The following PKNOX2 variants were observed in gnomAD, a reference collection of about 807,000 sequenced individuals.
PKNOX2 encodes PBX/knotted 1 homeobox 2, also known as homeobox protein PKNOX2.
PKNOX2 carries 14 observed loss-of-function variants against 53.1 expected under a neutral mutation model. The observed-to-expected ratio is 0.26, with a 90% CI of 0.17 to 0.41. The LOEUF (loss-of-function observed/expected upper bound fraction) is 0.41. Among genes scored for constraint, PKNOX2 ranks in the 10% least tolerant of loss-of-function variants. The pLI, the probability that PKNOX2 is intolerant of heterozygous loss-of-function variation, is 1.00. For synonymous variants in PKNOX2, 257 were observed against 242.8 expected (o/e 1.06, Z -0.54); for missense variants, 496 against 602.8 (o/e 0.82, Z 1.85).
At chr11:125,176,738 TC>T (rs1955735360) in intron 1 of PKNOX2, among the ~76,000 whole-genome samples, 1 of 152,094 alleles carries the variant, frequency 6.6e-6, no homozygotes, top group African/African-American at 2.4e-5. Context: ...CCCAGCATCT[TC>T]TTTTCCATCC....
intron 10 of PKNOX2, among the ~76,000 whole-genome samples, chr11:125,416,302 C>CAAA (rs61354494): frequency 1.5e-3 from 107 of 70,332 alleles, no homozygotes; most frequent in African/African-American, 1.9e-3. Flanking sequence ...GACGCCGTCT[C>CAAA]AAAAAAAAAA....
intron 1 of PKNOX2, among the ~76,000 whole-genome samples, chr11:125,174,401 G>C (rs1305178017): frequency 1.3e-5 from 2 of 152,126 alleles, no homozygotes; most frequent in Non-Finnish European, 2.9e-5. Flanking sequence ...TTGAGAACAA[G>C]CTATATGACC....
chr11:125,387,108 T>C (rs1013545337), intron 6 of PKNOX2, among the ~76,000 whole-genome samples: 4 of 152,194 alleles, frequency 2.6e-5, no homozygotes, highest in African/African-American at 9.6e-5. Context: ...AAAGCTGCCC[T>C]GTGCAGGTGC....
rs116439054 is a variant in PKNOX2, at chr11:125,282,177, C to A, written c.-130+47062C>A. 3.3e-3 allele frequency among the ~76,000 whole-genome samples: 508 copies of A among 152,298 alleles called. 2 individuals carry two copies. The highest frequency in any genetic ancestry group is 0.011 in the African/African-American group (471 of 41,542). ...AGAAAAGCTGTCTGTCAGCTCCAAG[C>A]CAGGGAATGTTAGTGCATAAGCTTT... On this transcript the variant is annotated intron_variant, in intron 2 of 12. Transcript: ENST00000298282.
chr11:125,399,082 C>A (rs1188209974), intron 7 of PKNOX2, among the ~76,000 whole-genome samples: 2 of 152,234 alleles, frequency 1.3e-5, no homozygotes, highest in East Asian at 3.9e-4. Context: ...AGAAGGCCAG[C>A]CTTGCTTTGC....
At chr11:125,285,887 G>A (rs1378322694) in intron 2 of PKNOX2, among the ~76,000 whole-genome samples, 2 of 152,204 alleles carry the variant, frequency 1.3e-5, no homozygotes, top group South Asian at 2.1e-4. Context: ...CACCTCTGTA[G>A]GGTGGAAATC....
chr11:125,212,055 AAG>A (rs1191384673), intron 1 of PKNOX2, among the ~76,000 whole-genome samples: 1 of 152,150 alleles, frequency 6.6e-6, no homozygotes, highest in East Asian at 1.9e-4. Context: ...TTCTACCTGT[AAG>A]AGCTCCAGCC....
chr11:125,218,693 G>T (rs141847254), intron 1 of PKNOX2, among the ~76,000 whole-genome samples: 14 of 152,278 alleles, frequency 9.2e-5, no homozygotes, highest in African/African-American at 3.4e-4. Context: ...CTGAGCAGCA[G>T]TGCGCATGGA....
chr11:125,190,915 GT>G (rs1956840880), intron 1 of PKNOX2: 1 of 151,982 alleles, frequency 6.6e-6, no homozygotes, highest in South Asian at 2.1e-4. Context: ...TTCATATATT[GT>G]TTCTTGAACT....
At chr11:125,315,057 G>A (rs1291524856) in intron 2 of PKNOX2, among the ~76,000 whole-genome samples, 6 of 151,920 alleles carry the variant, frequency 3.9e-5, no homozygotes, top group South Asian at 2.1e-4. Flanking sequence ...GGCCCTCTCC[G>A]GCCCTTGGTT....
At chr11:125,282,135 C>T (rs1946599853) in intron 2 of PKNOX2, among the ~76,000 whole-genome samples, 1 of 152,212 alleles carries the variant, frequency 6.6e-6, no homozygotes, top group Non-Finnish European at 1.5e-5. Context: ...CAAGTACCTT[C>T]AGAAGACACT....
intron 2 of PKNOX2, among the ~76,000 whole-genome samples, chr11:125,323,583 G>A (rs1227344570): frequency 6.6e-6 from 1 of 152,218 alleles, no homozygotes; most frequent in Non-Finnish European, 1.5e-5. Context: ...GCCCTGAGAA[G>A]GGCAGGGAGG....
intron 5 of PKNOX2, among the ~76,000 whole-genome samples, chr11:125,380,079 C>G (rs946626901): frequency 2.6e-5 from 4 of 152,162 alleles, no homozygotes; most frequent in Non-Finnish European, 4.4e-5. Context: ...TCTTCTTCCC[C>G]TCTCCCTGAG....
intron 3 of PKNOX2, among the ~76,000 whole-genome samples, chr11:125,334,660 A>G (rs1950337970): frequency 6.7e-6 from 1 of 149,430 alleles, no homozygotes; most frequent in South Asian, 2.1e-4. Flanking sequence ...GTGCAGTGGC[A>G]CAGTCTCAGC....
In PKNOX2 at chr11:125,296,818, T is replaced by A. The variant is rs1248872338; in HGVS notation, c.-129-35001T>A. On this transcript the variant is annotated intron_variant, in intron 2 of 12. Transcript: ENST00000298282. The stretch of plus-strand genomic sequence containing the variant: ...GCCCAGATAATTTTTGTATTTTTAG[T>A]AGAGACGGGGTTTCACCATGTTAGC... Among the ~76,000 whole-genome samples, 4 of 152,156 alleles carry A rather than the reference T, an allele frequency of 2.6e-5. No individual in the cohort carries two copies. The East Asian group carries it at 7.7e-4, about 29-fold the overall frequency.
Position 125,333,491 on chromosome 11 carries a change from G to A in PKNOX2, c.-23+1566G>A, listed in dbSNP as rs150874262. Among the ~76,000 whole-genome samples, 9 of 151,676 alleles carry A rather than the reference G, an allele frequency of 5.9e-5. No homozygotes were observed. The East Asian group carries it at 1.4e-3, about 23-fold the overall frequency. On this transcript the variant is annotated intron_variant, in intron 3 of 12. Transcript: ENST00000298282. ...GAAGGCTTCCACAGATGGGGTAGAG[G>A]CAACCTCAAATATCACCCCTGACCT...
At chr11:125,363,136 G>A (rs1952011104) in intron 4 of PKNOX2, among the ~76,000 whole-genome samples, 1 of 152,164 alleles carries the variant, frequency 6.6e-6, no homozygotes, top group Non-Finnish European at 1.5e-5. Flanking sequence ...AGAACCCTAG[G>A]CCAAGAGAGG....
At chr11:125,223,716 CA>C (rs113101573) in intron 1 of PKNOX2, among the ~76,000 whole-genome samples, 3 of 149,990 alleles carry the variant, frequency 2.0e-5, no homozygotes, top group East Asian at 3.9e-4. Flanking sequence ...GATTAAAAAA[CA>C]AAAAAAAACA....
At chr11:125,268,907 G>A (rs1461453480) in intron 2 of PKNOX2, among the ~76,000 whole-genome samples, 2 of 140,118 alleles carry the variant, frequency 1.4e-5, no homozygotes, top group Non-Finnish European at 3.1e-5. Flanking sequence ...CAGCCCGACA[G>A]CAATGGCTTC....
Sources: gnomAD v4.1 joint callset for allele counts (sites outside exome capture counted in the v4.1 genomes callset) on GRCh38, gnomAD v4.1.1 for gene constraint, MANE v1.5 for transcripts, NCBI Gene and HGNC (gene_info 2026-07-23, HGNC 2026-07-21) for gene names.